Variants in ZNF611 observed in about 807,000 individuals in gnomAD.
ZNF611 encodes zinc finger protein 611.
Under a neutral mutation model 8.9 loss-of-function variants are expected in ZNF611, and 6 were observed. The observed-to-expected ratio is 0.68, with a 90% confidence interval of 0.37 to 1.34. ZNF611 has a LOEUF of 1.34. ZNF611 is among the 40% of genes most tolerant of loss of function. The probability of loss-of-function intolerance (pLI) is 0.02; values close to 1 mark genes in which losing one functional copy is unlikely to be tolerated. For missense variants in ZNF611, 874 were observed against 841.3 expected, an observed-to-expected ratio of 1.04 and a Z score of -0.48; for synonymous variants, 262 against 279.7, an observed-to-expected ratio of 0.94 and a Z score of 0.63.
chr19:52,725,089 G>C (rs916922909), intron 3 of ZNF611, among the ~76,000 whole-genome samples: 13 of 151,960 alleles, frequency 8.6e-5, no homozygotes, highest in East Asian at 3.9e-4. Context: ...AATCACACGC[G>C]GGTTTGGAGT....
rs184077903 is a variant in ZNF611 at position 52,717,200 on chromosome 19, T to C, written c.-19-1287A>G. On this transcript the variant is annotated intron_variant, in intron 3 of 5. Transcript: ENST00000652185. ...CATATGTTGATGTCTCATGTCTCCA[T>C]AAAATGTATAAAATTAAGCTCTGCC... Among the ~76,000 whole-genome samples, 275 of 152,288 alleles carry C rather than the reference T, an allele frequency of 1.8e-3. 1 individual carries two copies. Among genetic ancestry groups the C allele is most frequent in the African/African-American group, 5.9e-3 (245 of 41,574 alleles).
rs183540874 is a variant in ZNF611, at chr19:52,713,658, G to A, written c.190+357C>T. ...TGTAATCCCAGCACTTTGGGAGGCC[G>A]AGGTGGGTGGATCACCTGAGGTCGG... On this transcript the variant is annotated intron_variant, in intron 5 of 5. Coordinates refer to ENST00000652185, the MANE Select transcript of ZNF611 (RefSeq NM_001161499.2). Among the ~76,000 whole-genome samples, 665 of 152,274 alleles carry A rather than the reference G, an allele frequency of 4.4e-3. 5 individuals carry two copies. The highest frequency in any genetic ancestry group is 0.014 in the African/African-American group (572 of 41,562).
intron 5 of ZNF611, among the ~76,000 whole-genome samples, chr19:52,713,024 A>G (rs1319752240): frequency 6.6e-6 from 1 of 152,122 alleles, no homozygotes; most frequent in Non-Finnish European, 1.5e-5. Flanking sequence ...CAAAACTGCC[A>G]TCTGTAATAG....
chr19:52,732,815 T>A (rs1252669174), intron 1 of ZNF611, among the ~76,000 whole-genome samples: 1 of 150,112 alleles, frequency 6.7e-6, no homozygotes, highest in African/African-American at 2.4e-5. Context: ...CTAGCCGGGC[T>A]TGGTGGCTCA....
chr19:52,730,430 T>G (rs944670241), intron 1 of ZNF611, among the ~76,000 whole-genome samples: 1 of 142,158 alleles, frequency 7.0e-6, no homozygotes, highest in African/African-American at 2.6e-5. Context: ...AAAAACATGA[T>G]GTAGGCTCCT....
At chr19:52,720,817 A>AC (rs2062353454) in intron 3 of ZNF611, 1 of 148,348 alleles carries the variant, frequency 6.7e-6, no homozygotes, top group Admixed American at 6.8e-5. Context: ...CACTTCCCAG[A>AC]TGGGGCGGCC....
At chr19:52,730,391 CAAAAAA>C (rs1159350274) in intron 1 of ZNF611, among the ~76,000 whole-genome samples, 24 of 73,558 alleles carry the variant, frequency 3.3e-4, no homozygotes, top group African/African-American at 9.5e-4. Flanking sequence ...GACTCCGTCT[CAAAAAA>C]AAAAAAAAAA....
Position 52,707,090 on chromosome 19 carries a change from T to C in ZNF611, c.191-226A>G, listed in dbSNP as rs539884167. Among the ~76,000 whole-genome samples the C allele has an allele frequency of 7.2e-5, 11 of 152,136 alleles. No individual in the cohort carries two copies. In the South Asian group the frequency reaches 1.4e-3, roughly 20 times the overall value. On this transcript the variant is annotated intron_variant, in intron 5 of 5. Coordinates refer to ENST00000652185, the MANE Select transcript of ZNF611 (RefSeq NM_001161499.2). Reference sequence around the variant, plus strand: ...TATTTCCTATGTCATGACAAAACACTGACAGGGCACAAACATGTGTAAGCC... The same window carrying C: ...TATTTCCTATGTCATGACAAAACACCGACAGGGCACAAACATGTGTAAGCC...
rs1236272707 is a variant in ZNF611, at chr19:52,705,290, T to C, written c.1765A>G (p.Ser589Gly). 6.2e-7 allele frequency: 1 copy of C among 1,614,118 alleles called. No homozygotes were observed. The highest frequency in any genetic ancestry group is 1.1e-5 in the South Asian group (1 of 91,062). ...TTACACTTGTAAGGTTTCTCACCAC[T>C]ATGAACTCTATGATGGCATACAAGG... Reference protein sequence around the residue: ...SYLVCHHRVHSGEKPYKCNEC... With the variant: ...SYLVCHHRVHGGEKPYKCNEC... Residue 589 changes from serine to glycine, a missense_variant, in exon 6 of 6, where the codon AGT (serine) becomes GGT (glycine). Physicochemically the swap from Ser to Gly is moderately conservative, Grantham distance 56. Coordinates refer to ENST00000652185, the MANE Select transcript of ZNF611 (RefSeq NM_001161499.2).
intron 3 of ZNF611, chr19:52,721,215 A>G (rs146460237): frequency 0.036 from 5,675 of 156,736 alleles, 329 homozygotes; most frequent in African/African-American, 0.13. Flanking sequence ...CCGGGCAGAG[A>G]GGCTCCTCAC....
rs1345066048 is a variant in ZNF611 at position 52,704,095 on chromosome 19, A to AAC, written c.*841_*842insGT. 3 of 275,494 alleles carry AAC rather than the reference A, an allele frequency of 1.1e-5. No individual in the cohort carries two copies. The highest frequency in any genetic ancestry group is 1.2e-3 in the Middle Eastern group (1 of 808). 17.1% of individuals were successfully genotyped at this position (275,494 alleles called of 1,614,324 possible). A position where few individuals can be genotyped will look rare whatever the true frequency, so the allele number is the denominator to read the frequency against. On this transcript the variant is annotated 3_prime_UTR_variant, in exon 6 of 6. Transcript: ENST00000652185. ...GTGACCTATGTGCCTTGGCCTCCCG[A>AAC]CGTGCTGGGATTACAGGTCGGAGCC...
At chr19:52,720,053 G>C (rs1485643600) in intron 3 of ZNF611, among the ~76,000 whole-genome samples, 1 of 76,718 alleles carries the variant, frequency 1.3e-5, no homozygotes, top group Non-Finnish European at 2.5e-5. Flanking sequence ...ACCCTGAGTT[G>C]ACACAGCACG....
rs146219258 is a variant in ZNF611, at chr19:52,732,890, G to A, written c.-222+2111C>T. Among the ~76,000 whole-genome samples, 106 of 152,050 alleles carry A rather than the reference G, an allele frequency of 7.0e-4. 2 individuals carry two copies. In the East Asian group the frequency reaches 0.017, roughly 24 times the overall value. ...GATGGCTTGAACTTAAGAGGTCGAG[G>A]CTGCAGTTAGAGGAGATCACGCCAC... is the stretch of plus-strand genomic sequence containing the variant. On this transcript the variant is annotated intron_variant, in intron 1 of 5. Coordinates refer to ENST00000652185, the MANE Select transcript of ZNF611 (RefSeq NM_001161499.2).
intron 1 of ZNF611, among the ~76,000 whole-genome samples, chr19:52,731,800 T>C (rs2062427220): frequency 6.6e-6 from 1 of 151,576 alleles, no homozygotes; most frequent in Non-Finnish European, 1.5e-5. Flanking sequence ...GAAGAAACCC[T>C]GTCTCTACTA....
At chr19:52,715,082 C>G (rs1238473853) in intron 4 of ZNF611, among the ~76,000 whole-genome samples, 3 of 152,118 alleles carry the variant, frequency 2.0e-5, no homozygotes, top group Admixed American at 2.0e-4. Context: ...GTTCAACATA[C>G]CGGGTGATAT....
intron 1 of ZNF611, among the ~76,000 whole-genome samples, chr19:52,732,400 A>G (rs74176161): frequency 0.23 from 18,004 of 79,348 alleles, 2,269 homozygotes; most frequent in East Asian, 0.28. Context: ...GTTATTCTGA[A>G]TAACTCACAG....
intron 4 of ZNF611, among the ~76,000 whole-genome samples, chr19:52,714,922 C>A (rs1489057564): frequency 6.6e-6 from 1 of 151,854 alleles, no homozygotes; most frequent in South Asian, 2.1e-4. Context: ...CGCTTGAATC[C>A]GGGAGGCGGA....
chr19:52,706,110 G>GT lies in ZNF611; in HGVS notation c.944dup (p.Tyr315Ter). Residue 315 changes from tyrosine (Y) to a stop codon, truncating the protein, a stop_gained and frameshift_variant, in exon 6 of 6, where the codon TAC (tyrosine) becomes TAAC (stop). Coordinates refer to ENST00000652185, the MANE Select transcript of ZNF611 (RefSeq NM_001161499.2). LOFTEE classifies it low-confidence loss of function (END_TRUNC). The part of the protein sequence containing the change: ...HRRLHTGVKR[Y>*]NCNECGKIFG... ...AGATCTTGCCACACTCATTACAATT[G>GT]TAACGTTTTACTCCAGTATGAAGTC... is the stretch of plus-strand genomic sequence containing the variant. The GT allele has an allele frequency of 1.2e-6, 2 of 1,614,064 alleles. No homozygotes were observed. The highest frequency in any genetic ancestry group is 1.7e-6 in the Non-Finnish European group (2 of 1,179,982).
rs1415910066 is a variant in ZNF611, at chr19:52,705,377, G to A, written c.1678C>T (p.His560Tyr). The A allele has an allele frequency of 6.2e-7, 1 of 1,613,942 alleles. No homozygotes were observed. The highest frequency in any genetic ancestry group is 1.7e-5 in the Admixed American group (1 of 59,984). ...HSYLAKHTRI[H>Y]SGEKPYKCNE... ...CACTTGTAAGGTTTCTCTCCACTAT[G>A]AATTCTAGTATGTTTTGCCAGATAG... Residue 560 changes from histidine to tyrosine, a missense_variant, in exon 6 of 6, where the codon CAT (histidine) becomes TAT (tyrosine). His to Tyr is a moderately conservative substitution (Grantham distance 83, BLOSUM62 2). Transcript: ENST00000652185.
Sources: gnomAD v4.1 joint callset for allele counts (sites outside exome capture counted in the v4.1 genomes callset) on GRCh38, gnomAD v4.1.1 for gene constraint, MANE v1.5 for transcripts, NCBI Gene and HGNC (gene_info 2026-07-23, HGNC 2026-07-21) for gene names.